API5: variants seen among roughly 807,000 people sequenced by gnomAD.
API5 encodes the protein apoptosis inhibitor 5.
API5 carries 6 observed loss-of-function variants against 71.9 expected under a neutral mutation model. The observed-to-expected ratio is 0.08, with a 90% CI of 0.05 to 0.16. API5 has a LOEUF of 0.16. Ranked by LOEUF, API5 falls within the 10% of genes least tolerant of loss-of-function variation. The pLI is 1.00. For synonymous variants in API5, 189 were observed against 221.3 expected, an observed-to-expected ratio of 0.85 and a Z score of 1.30; for missense variants, 332 against 612.8, an observed-to-expected ratio of 0.54 and a Z score of 4.84.
chr11:43,336,299 C>G (rs1855431574), intron 13 of API5: 2 of 390,822 alleles, frequency 5.1e-6, no homozygotes, highest in Non-Finnish European at 9.1e-6. Context: ...CCATGCTTTC[C>G]CAGTTGCAGC....
At position 43,330,076 on chromosome 11, in the gene API5, C is replaced by T. The variant is rs751911864; in HGVS notation, c.1221+18C>T. The T allele has an allele frequency of 1.3e-5, 20 of 1,596,514 alleles. No homozygotes were observed. The highest frequency in any genetic ancestry group is 1.6e-5 in the Non-Finnish European group (19 of 1,164,386). On this transcript the variant is annotated intron_variant, in intron 10 of 13. Transcript: ENST00000531273. ...CAGAAGAGGTAAGAATACTGGCTCA[C>T]ATTTCATAAACTGCTAGTTCCATAC...
Position 43,331,479 on chromosome 11 carries a change from G to GA in API5, c.1278+922dup, listed in dbSNP as rs540415925. ...GTACTGTATTACAATAAAGCTGCAG[G>GA]AAAAAAATGTTTTATTATAAAGAAG... is the stretch of plus-strand genomic sequence containing the variant. On this transcript the variant is annotated intron_variant, in intron 11 of 13. Coordinates refer to ENST00000531273, the MANE Select transcript of API5 (RefSeq NM_001142930.2). 6.4e-4 allele frequency: 134 copies of GA among 209,840 alleles called. 1 individual carries two copies. Among genetic ancestry groups the GA allele is most frequent in the Middle Eastern group, 3.9e-3 (2 of 512 alleles). The allele number at this position is 209,840 out of a possible 1,614,324, so 13.0% of individuals were successfully genotyped here.
chr11:43,321,619 G>A (rs1854893153), intron 4 of API5, 143 bp downstream of exon 4: 2 of 653,320 alleles, frequency 3.1e-6, no homozygotes, highest in Admixed American at 3.6e-5. Context: ...AGTCTCCTTA[G>A]GTCAAGATGT....
intron 1 of API5, 154 bp from the exon 2 acceptor site, chr11:43,318,486 A>T: frequency 1.3e-6 from 2 of 1,537,760 alleles, no homozygotes; most frequent in Non-Finnish European, 1.7e-6. Context: ...TGGGAAGGTA[A>T]GTGTCAGTTT....
intron 1 of API5, 64 bp from the exon 2 acceptor site, chr11:43,318,576 G>T (rs888499945): frequency 3.8e-6 from 6 of 1,591,124 alleles, no homozygotes; most frequent in Non-Finnish European, 5.1e-6. Context: ...GTTTGTTATG[G>T]TCTTTTACTT....
intron 8 of API5, 90 bp from the exon 9 acceptor site, chr11:43,328,622 T>G (rs1381807896): frequency 6.5e-6 from 8 of 1,226,830 alleles, no homozygotes; most frequent in Non-Finnish European, 9.1e-6. Flanking sequence ...GCTCCATGCC[T>G]TAAAAACATG....
intron 11 of API5, among the ~76,000 whole-genome samples, chr11:43,332,712 C>A (rs1223024147): frequency 1.3e-5 from 2 of 152,076 alleles, no homozygotes; most frequent in Non-Finnish European, 2.9e-5. Context: ...ACACAGAGTC[C>A]TTTTCAGTTT....
chr11:43,312,272 C>G, intron 1 of API5, 76 bp downstream of exon 1: 2 of 1,484,590 alleles, frequency 1.3e-6, no homozygotes, highest in South Asian at 1.2e-5. Context: ...CCGCACTCCC[C>G]GGGCCGAGCG....
chr11:43,332,863 G>A (rs1855304761), intron 11 of API5, among the ~76,000 whole-genome samples: 1 of 152,138 alleles, frequency 6.6e-6, no homozygotes, highest in Non-Finnish European at 1.5e-5. Context: ...TAAGTATGTG[G>A]TTGGTTCCCC....
intron 13 of API5, among the ~76,000 whole-genome samples, chr11:43,338,350 G>C (rs565488473): frequency 6.6e-6 from 1 of 151,818 alleles, no homozygotes; most frequent in Non-Finnish European, 1.5e-5. Context: ...TCAACTTCCC[G>C]GTGCATTCAT....
chr11:43,315,320 G>T (rs1238879762), intron 1 of API5, among the ~76,000 whole-genome samples: 1 of 152,092 alleles, frequency 6.6e-6, no homozygotes, highest in Non-Finnish European at 1.5e-5. Flanking sequence ...TAATGCTTCA[G>T]ACTTGTATTT....
At chr11:43,312,460 C>T (rs1046138766) in intron 1 of API5, among the ~76,000 whole-genome samples, 1 of 136,154 alleles carries the variant, frequency 7.3e-6, no homozygotes, top group African/African-American at 2.8e-5. Context: ...TAACTCAGCC[C>T]GTTCAGGCTC....
intron 2 of API5, 112 bp downstream of exon 2, chr11:43,318,913 T>C (rs2134345086): frequency 9.3e-7 from 1 of 1,073,402 alleles, no homozygotes; most frequent in Non-Finnish European, 1.3e-6. Context: ...TACTATGGTA[T>C]GGTCTGGCAT....
intron 4 of API5, among the ~76,000 whole-genome samples, chr11:43,321,766 A>G (rs1854899517): frequency 6.6e-6 from 1 of 152,214 alleles, no homozygotes; most frequent in Non-Finnish European, 1.5e-5. Flanking sequence ...AGTAATGATA[A>G]AAAAGGAAAG....
intron 1 of API5, among the ~76,000 whole-genome samples, chr11:43,313,648 T>A (rs559914132): frequency 2.5e-4 from 38 of 152,306 alleles, no homozygotes; most frequent in African/African-American, 8.9e-4. Context: ...AATATACCAG[T>A]TTGAAATAGC....
intron 3 of API5, 128 bp downstream of exon 3, chr11:43,321,042 C>G: frequency 1.4e-6 from 1 of 722,168 alleles, no homozygotes; most frequent in East Asian, 2.7e-5. Context: ...GATTAAATTT[C>G]CTACTTTCAT....
At chr11:43,328,011 T>A in intron 8 of API5, 133 bp downstream of exon 8, 1 of 500,940 alleles carries the variant, frequency 2.0e-6, no homozygotes, top group Non-Finnish European at 3.4e-6. Context: ...TATTGTTAGC[T>A]TCCTAGGCCA....
In API5 at chr11:43,321,470, G is replaced by C. The variant is rs911948073; in HGVS notation, c.385G>C (p.Ala129Pro). Reference protein sequence around the residue: ...NALLSIFKMDAKGTLGGLFSQ... With the variant: ...NALLSIFKMDPKGTLGGLFSQ... ...CCTATTAAGTATATTTAAAATGGAT[G>C]CAAAAGGTAAGGCCAGTTCTTATTC... Residue 129 changes from alanine (A) to proline (P), a missense_variant, in exon 4 of 14, where the codon GCA becomes CCA. Around this residue, in one of 3 missense-constraint regions of API5, gnomAD observed 127 missense variants for 237.6 expected, o/e 0.53. Coordinates refer to ENST00000531273, the MANE Select transcript of API5 (RefSeq NM_001142930.2). 2.5e-6 allele frequency: 4 copies of C among 1,608,122 alleles called. No individual in the cohort carries two copies. Among genetic ancestry groups the C allele is most frequent in the Non-Finnish European group, 1.7e-6 (2 of 1,175,760 alleles).
intron 6 of API5, among the ~76,000 whole-genome samples, chr11:43,325,078 A>G (rs1418187613): frequency 6.6e-6 from 1 of 152,166 alleles, no homozygotes. Context: ...GGGGTCTTCA[A>G]AAAGTTCCTG....
Sources: gnomAD v4.1 joint callset for allele counts (sites outside exome capture counted in the v4.1 genomes callset) on GRCh38, gnomAD v4.1.1 for gene constraint, gnomAD v4.1.1 regional missense constraint, MANE v1.5 for transcripts, NCBI Gene and HGNC (gene_info 2026-07-23, HGNC 2026-07-21) for gene names.